Variants in PHACTR3 observed in about 807,000 individuals in gnomAD.
PHACTR3 encodes protein phosphatase 1, regulatory subunit 123.
PHACTR3 carries 16 observed loss-of-function variants against 66.8 expected under a neutral mutation model. That is an observed-to-expected ratio of 0.24 (90% CI 0.16 to 0.36). The LOEUF is 0.36. PHACTR3 is among the 10% of genes least tolerant of loss of function. The pLI, the probability that PHACTR3 is intolerant of heterozygous loss-of-function variation, is 1.00. For missense variants in PHACTR3, 647 were observed against 719.9 expected (o/e 0.90, Z 1.16); for synonymous variants, 323 against 292.1 (o/e 1.11, Z -1.08).
intron 7 of PHACTR3, among the ~76,000 whole-genome samples, chr20:59,784,587 G>A (rs549262419): frequency 8.5e-5 from 13 of 152,274 alleles, no homozygotes; most frequent in Non-Finnish European, 1.2e-4. Context: ...ACAGGGTAGC[G>A]TGGTTGTTGC....
chr20:59,719,398 T>C (rs551552707), intron 1 of PHACTR3, among the ~76,000 whole-genome samples: 240 of 152,296 alleles, frequency 1.6e-3, no homozygotes, highest in African/African-American at 5.6e-3. Flanking sequence ...CTCCTGACCT[T>C]GTGATCCACC....
chr20:59,616,299 T>A (rs1348910485), intron 1 of PHACTR3, among the ~76,000 whole-genome samples: 1 of 152,118 alleles, frequency 6.6e-6, no homozygotes, highest in African/African-American at 2.4e-5. Flanking sequence ...GGAGAAGTTT[T>A]CACCAAAGGC....
chr20:59,804,554 G>A (rs1031720304), intron 7 of PHACTR3, among the ~76,000 whole-genome samples: 6 of 152,080 alleles, frequency 3.9e-5, no homozygotes, highest in Admixed American at 6.6e-5. Context: ...TGTCACCGTC[G>A]CATTCAGTCT....
intron 7 of PHACTR3, among the ~76,000 whole-genome samples, chr20:59,777,862 GCCGATGGCC>G (rs1485230584): frequency 1.3e-5 from 2 of 152,086 alleles, no homozygotes; most frequent in African/African-American, 2.4e-5. Flanking sequence ...TGTCCCTCCA[GCCGATGGCC>G]CCTGAGCTCC....
intron 1 of PHACTR3, among the ~76,000 whole-genome samples, chr20:59,596,824 A>G (rs2033337835): frequency 6.6e-6 from 1 of 152,168 alleles, no homozygotes; most frequent in Admixed American, 6.5e-5. Context: ...GTACTCAACA[A>G]ATATAGGTCA....
chr20:59,638,707 T>C (rs1235645359), intron 1 of PHACTR3, among the ~76,000 whole-genome samples: 1 of 121,594 alleles, frequency 8.2e-6, no homozygotes, highest in Admixed American at 8.8e-5. Flanking sequence ...GGTGGAGGGA[T>C]GGGTGGGTGG....
intron 1 of PHACTR3, 30 bp downstream of exon 1, chr20:59,605,162 G>GGGGGGGGGGGGT: frequency 1.1e-6 from 1 of 923,118 alleles, no homozygotes; most frequent in Non-Finnish European, 1.5e-6. Flanking sequence ...CGGCGGGCGG[G>GGGGGGGGGGGGT]TCGGGGAGGC....
At chr20:59,786,305 T>G (rs1039884570) in intron 7 of PHACTR3, among the ~76,000 whole-genome samples, 3 of 152,198 alleles carry the variant, frequency 2.0e-5, no homozygotes, top group African/African-American at 4.8e-5. Flanking sequence ...CTGCTGGAGG[T>G]TCAATTTCCC....
At chr20:59,666,292 C>G (rs911644342) in intron 1 of PHACTR3, among the ~76,000 whole-genome samples, 1 of 152,232 alleles carries the variant, frequency 6.6e-6, no homozygotes, top group Admixed American at 6.5e-5. Flanking sequence ...ATGCAAGCCA[C>G]GGCCCCACAT....
intron 1 of PHACTR3, among the ~76,000 whole-genome samples, chr20:59,654,950 T>G (rs1263536536): frequency 6.6e-6 from 1 of 152,072 alleles, no homozygotes; most frequent in East Asian, 1.9e-4. Flanking sequence ...CTTCATTGCA[T>G]GAATATCCCA....
At chr20:59,826,525 G>C (rs548320377) in intron 8 of PHACTR3, among the ~76,000 whole-genome samples, 3 of 152,268 alleles carry the variant, frequency 2.0e-5, no homozygotes, top group African/African-American at 7.2e-5. Flanking sequence ...GGCACATGCT[G>C]TCCTCACCCT....
Position 59,761,481 on chromosome 20 carries a change from C to T in PHACTR3, c.542-5705C>T, listed in dbSNP as rs530213923. On this transcript the variant is annotated intron_variant, in intron 4 of 12. Transcript: ENST00000371015. ...ACCACATCCATCCTTGGGCTGGCCA[C>T]CCTTGAACTCCAGAATGTCTTCAGT... Among the ~76,000 whole-genome samples, 3 of 152,306 alleles carry T rather than the reference C, an allele frequency of 2.0e-5. No individual in the cohort carries two copies. In the South Asian group the frequency reaches 6.2e-4, roughly 32 times the overall value.
At chr20:59,807,690 C>T (rs577382868) in intron 8 of PHACTR3, among the ~76,000 whole-genome samples, 7 of 152,154 alleles carry the variant, frequency 4.6e-5, no homozygotes, top group Non-Finnish European at 7.3e-5. Context: ...ACGTTAGGAA[C>T]GCCTTACACC....
chr20:59,826,790 T>C (rs2042204704), intron 8 of PHACTR3, among the ~76,000 whole-genome samples: 1 of 152,184 alleles, frequency 6.6e-6, no homozygotes, highest in African/African-American at 2.4e-5. Context: ...GTTCTTGGCC[T>C]TTCTTCCTCA....
chr20:59,745,428 A>C (rs1241152495), intron 2 of PHACTR3, among the ~76,000 whole-genome samples: 1 of 152,196 alleles, frequency 6.6e-6, no homozygotes, highest in Non-Finnish European at 1.5e-5. Context: ...GGGACCCTGC[A>C]AGGGCATTGG....
At chr20:59,620,449 C>A (rs1196453583) in intron 1 of PHACTR3, among the ~76,000 whole-genome samples, 1 of 152,236 alleles carries the variant, frequency 6.6e-6, no homozygotes, top group South Asian at 2.1e-4. Context: ...GTCTCCTTAG[C>A]GTCCGCCAAT....
chr20:59,677,132 G>A (rs2036476066), intron 1 of PHACTR3, among the ~76,000 whole-genome samples: 1 of 152,138 alleles, frequency 6.6e-6, no homozygotes, highest in Non-Finnish European at 1.5e-5. Context: ...CTTTTTGTCT[G>A]TAGATTGTAA....
intron 1 of PHACTR3, among the ~76,000 whole-genome samples, chr20:59,731,663 T>G (rs1244980222): frequency 2.0e-5 from 3 of 152,160 alleles, no homozygotes; most frequent in African/African-American, 7.2e-5. Flanking sequence ...CCACAATACA[T>G]ATGAGAAAGA....
At chr20:59,733,024 C>T (rs1433346372) in intron 1 of PHACTR3, among the ~76,000 whole-genome samples, 5 of 151,226 alleles carry the variant, frequency 3.3e-5, no homozygotes, top group Admixed American at 3.3e-4. Context: ...GGAATAGAGC[C>T]ATAGGCATTT....
Sources: allele counts gnomAD v4.1 joint callset (sites outside exome capture counted in the v4.1 genomes callset), GRCh38; gene constraint gnomAD v4.1.1; transcripts MANE v1.5; gene names NCBI Gene and HGNC (gene_info 2026-07-23, HGNC 2026-07-21).